Variants in PPM1H observed in about 807,000 individuals in gnomAD.
PPM1H encodes protein phosphatase 1H.
In PPM1H, 27 loss-of-function variants were observed where a neutral mutation model predicts 54.9. The ratio of observed to expected loss-of-function variants is 0.49; its 90% CI spans 0.36 to 0.68. PPM1H has a LOEUF of 0.68. Ranked by LOEUF, PPM1H falls within the 30% of genes least tolerant of loss-of-function variation. The pLI is 0.00. For synonymous variants in PPM1H, 305 were observed against 270.8 expected (o/e 1.13, Z -1.24); for missense variants, 596 against 667.8 (o/e 0.89, Z 1.19).
At chr12:62,873,923 C>T (rs936361140) in intron 1 of PPM1H, among the ~76,000 whole-genome samples, 1 of 152,096 alleles carries the variant, frequency 6.6e-6, no homozygotes, top group African/African-American at 2.4e-5. Context: ...GAGGAGGTTA[C>T]ATTTAAGCTT....
At position 62,699,265 on chromosome 12, in the gene PPM1H, T is replaced by C. The variant is rs1160753139; in HGVS notation, c.1074-5266A>G. On this transcript the variant is annotated intron_variant, in intron 6 of 9. Coordinates refer to ENST00000228705, the MANE Select transcript of PPM1H (RefSeq NM_020700.2). ...AAGCTTAGGTGCAATGGTGCGATCT[T>C]GGCTCACTGCAACCTCTACCTCCTG... Among the ~76,000 whole-genome samples, 8 of 152,356 alleles carry C rather than the reference T, an allele frequency of 5.3e-5. No homozygotes were observed. The East Asian group carries it at 1.5e-3, about 29-fold the overall frequency.
intron 1 of PPM1H, among the ~76,000 whole-genome samples, chr12:62,858,465 G>T (rs201161710): frequency 8.5e-6 from 1 of 117,536 alleles, no homozygotes; most frequent in South Asian, 2.6e-4. Context: ...TGTTGTTGTT[G>T]TTTTTTTCAT....
chr12:62,728,762 G>A (rs1341503808), intron 5 of PPM1H, among the ~76,000 whole-genome samples: 3 of 152,136 alleles, frequency 2.0e-5, no homozygotes, highest in Non-Finnish European at 4.4e-5. Context: ...CCGGAAGCAG[G>A]GAACTCAGAC....
intron 9 of PPM1H, among the ~76,000 whole-genome samples, chr12:62,659,566 A>G (rs1327854979): frequency 6.6e-6 from 1 of 152,224 alleles, no homozygotes; most frequent in Non-Finnish European, 1.5e-5. Flanking sequence ...CAACAGAGGA[A>G]GACAATGCTG....
chr12:62,876,490 A>G (rs562727237), intron 1 of PPM1H, among the ~76,000 whole-genome samples: 1 of 152,360 alleles, frequency 6.6e-6, no homozygotes, highest in Admixed American at 6.5e-5. Flanking sequence ...CTAACCTATG[A>G]AGGCAAGTAA....
chr12:62,746,243 C>T (rs1353940337), intron 4 of PPM1H, among the ~76,000 whole-genome samples: 1 of 152,124 alleles, frequency 6.6e-6, no homozygotes, highest in Non-Finnish European at 1.5e-5. Context: ...GTGATCTTCC[C>T]CTGCAGCCTG....
chr12:62,839,879 A>AAAAAAAAAAAAAAAAAAAAC (rs1868662746), intron 1 of PPM1H, among the ~76,000 whole-genome samples: 1 of 150,048 alleles, frequency 6.7e-6, no homozygotes, highest in African/African-American at 2.5e-5. Flanking sequence ...TTCTACAAAA[A>AAAAAAAAAAAAAAAAAAAAC]AAAAAAAAAA....
At chr12:62,847,239 A>T (rs891413640) in intron 1 of PPM1H, among the ~76,000 whole-genome samples, 6 of 152,248 alleles carry the variant, frequency 3.9e-5, no homozygotes, top group Admixed American at 6.5e-5. Flanking sequence ...GAATCTCAAC[A>T]GAGTCCCTAG....
At chr12:62,795,772 G>T (rs1426104536) in intron 3 of PPM1H, among the ~76,000 whole-genome samples, 1 of 151,992 alleles carries the variant, frequency 6.6e-6, no homozygotes, top group East Asian at 1.9e-4. Context: ...CGTTGCCCAG[G>T]CTAGGGTGCA....
chr12:62,663,992 CAAAA>C (rs66772973), intron 9 of PPM1H, among the ~76,000 whole-genome samples: 4 of 139,876 alleles, frequency 2.9e-5, no homozygotes, highest in African/African-American at 2.7e-5. Context: ...AACTCCATCT[CAAAA>C]AAAAAAAAAA....
intron 1 of PPM1H, among the ~76,000 whole-genome samples, chr12:62,850,491 C>CA (rs1392116404): frequency 6.6e-6 from 1 of 151,338 alleles, no homozygotes; most frequent in Non-Finnish European, 1.5e-5. Flanking sequence ...AATTAGTAAT[C>CA]AAAAAATGCA....
intron 1 of PPM1H, among the ~76,000 whole-genome samples, chr12:62,883,534 A>G (rs1235323434): frequency 3.3e-5 from 5 of 152,208 alleles, no homozygotes; most frequent in Non-Finnish European, 7.3e-5. Flanking sequence ...TGACCCTTGG[A>G]TAAATTACAT....
At chr12:62,847,842 A>G (rs1869032033) in intron 1 of PPM1H, among the ~76,000 whole-genome samples, 1 of 152,164 alleles carries the variant, frequency 6.6e-6, no homozygotes, top group Non-Finnish European at 1.5e-5. Flanking sequence ...TAGCAACTGA[A>G]AAAAAAACAA....
intron 6 of PPM1H, among the ~76,000 whole-genome samples, chr12:62,705,391 A>T (rs1056968518): frequency 4.6e-5 from 7 of 152,246 alleles, no homozygotes; most frequent in Admixed American, 2.6e-4. Context: ...CTGAGCACCT[A>T]GTAGGTGCCG....
At chr12:62,870,466 G>A (rs1483090975) in intron 1 of PPM1H, among the ~76,000 whole-genome samples, 1 of 152,182 alleles carries the variant, frequency 6.6e-6, no homozygotes, top group Non-Finnish European at 1.5e-5. Flanking sequence ...CAAGAGAAAT[G>A]AGAGGACAGC....
chr12:62,688,733 C>T (rs342167), intron 8 of PPM1H, among the ~76,000 whole-genome samples: 21,200 of 152,126 alleles, frequency 0.14, 1,715 homozygotes, highest in East Asian at 0.28. Flanking sequence ...TGGTAGCTCA[C>T]GCCTATAATC....
At chr12:62,757,341 T>C (rs1335361553) in intron 4 of PPM1H, among the ~76,000 whole-genome samples, 1 of 152,140 alleles carries the variant, frequency 6.6e-6, no homozygotes, top group Admixed American at 6.6e-5. Flanking sequence ...CTGAGACACC[T>C]CCCATTTCAA....
intron 3 of PPM1H, among the ~76,000 whole-genome samples, chr12:62,798,318 C>T (rs920839675): frequency 1.3e-5 from 2 of 152,164 alleles, no homozygotes; most frequent in Non-Finnish European, 2.9e-5. Flanking sequence ...CAACACTTTG[C>T]GTGAGGTAAG....
intron 8 of PPM1H, among the ~76,000 whole-genome samples, chr12:62,675,731 G>A (rs752940346): frequency 5.3e-5 from 8 of 152,172 alleles, no homozygotes; most frequent in Non-Finnish European, 1.2e-4. Flanking sequence ...ATAATAAAAT[G>A]ACTGCTACTT....
Sources: gnomAD v4.1 joint callset for allele counts (sites outside exome capture counted in the v4.1 genomes callset) on GRCh38, gnomAD v4.1.1 for gene constraint, MANE v1.5 for transcripts, NCBI Gene and HGNC (gene_info 2026-07-23, HGNC 2026-07-21) for gene names.